TBKBP1: variants seen among roughly 807,000 people sequenced by gnomAD.
TBKBP1 encodes TANK-binding kinase 1-binding protein 1.
TBKBP1 carries 47 observed loss-of-function variants against 69.9 expected under a neutral mutation model. That is an observed-to-expected ratio of 0.67 (90% CI 0.53 to 0.86). The LOEUF is 0.86. Ranked by LOEUF, TBKBP1 falls within the 40% of genes least tolerant of loss-of-function variation. The pLI is 0.00. For synonymous variants in TBKBP1, 418 were observed against 390.3 expected (o/e 1.07, Z -0.84); for missense variants, 831 against 858.6 (o/e 0.97, Z 0.40).
chr17:47,696,641 G>A (rs1031801739), intron 2 of TBKBP1, 70 bp from the exon 3 acceptor site: 1 of 1,607,660 alleles, frequency 6.2e-7, no homozygotes. Flanking sequence ...TGGGTTGGGG[G>A]CACAGCCAGG....
At chr17:47,699,027 C>A (rs1323702313) in intron 5 of TBKBP1, among the ~76,000 whole-genome samples, 3 of 151,774 alleles carry the variant, frequency 2.0e-5, no homozygotes, top group Admixed American at 6.6e-5. Context: ...CACCCAGAGT[C>A]CCCCCGCCCC....
At position 47,694,961 on chromosome 17, in the gene TBKBP1, G is replaced by A. The variant is rs1005154608; in HGVS notation, c.-35+767G>A. On this transcript the variant is annotated intron_variant, in intron 1 of 9. Transcript: ENST00000578982. The stretch of plus-strand genomic sequence containing the variant: ...CCCAAGCTCCTGCAGCCCGACCTGG[G>A]GGCCCCGCTGTCTGAACTCACAGCT... 5.9e-5 allele frequency among the ~76,000 whole-genome samples: 9 copies of A among 152,110 alleles called. No homozygotes were observed. In the South Asian group the frequency reaches 6.2e-4, roughly 11 times the overall value.
intron 7 of TBKBP1, 28 bp downstream of exon 7, chr17:47,699,725 T>G: frequency 6.2e-7 from 1 of 1,613,752 alleles, no homozygotes; most frequent in Non-Finnish European, 8.5e-7. Flanking sequence ...CCCTGGTCCC[T>G]CCGTGATGTT....
chr17:47,695,927 GGA>G (rs1567902407), intron 1 of TBKBP1, 150 bp from the exon 2 acceptor site: 1 of 569,292 alleles, frequency 1.8e-6, no homozygotes, highest in African/African-American at 1.9e-5. Context: ...GAGGAGTCTG[GGA>G]AGGGGCCATG....
Position 47,708,459 on chromosome 17 carries a change from C to G in TBKBP1, c.938C>G (p.Ser313Cys). Residue 313 changes from serine to cysteine, a missense_variant, in exon 8 of 10, where the codon TCC becomes TGC. Physicochemically the swap from Ser to Cys is moderately radical, Grantham distance 112. Transcript: ENST00000578982. The surrounding 1 kb of genome is among the most constrained non-coding windows in gnomAD (Gnocchi z 4.4). ...EELGRLRELS[S>C]LQGRILRTLL... is the part of the protein sequence containing the mutation. ...CTGGGCCGGCTTCGGGAGTTGAGTT[C>G]CCTACAGGGGAGAATCTTGAGGACT... is the stretch of plus-strand genomic sequence containing the variant. 6.2e-7 allele frequency: 1 copy of G among 1,613,898 alleles called. No homozygotes were observed. The highest frequency in any genetic ancestry group is 8.5e-7 in the Non-Finnish European group (1 of 1,179,848).
chr17:47,706,828 G>GACACACACACACACAC (rs55849029), intron 7 of TBKBP1, among the ~76,000 whole-genome samples: 8 of 134,222 alleles, frequency 6.0e-5, no homozygotes, highest in South Asian at 5.1e-4. Flanking sequence ...GTTAGACTTA[G>GACACACACACACACAC]ACACACACAC....
chr17:47,699,022 A>G (rs1026230511), intron 5 of TBKBP1, among the ~76,000 whole-genome samples: 8 of 151,554 alleles, frequency 5.3e-5, no homozygotes, highest in Admixed American at 2.0e-4. Context: ...GCCCCCACCC[A>G]GAGTCCCCCC....
At position 47,708,124 on chromosome 17, in the gene TBKBP1, T is replaced by G. The variant is rs746734987; in HGVS notation, c.873-270T>G. On this transcript the variant is annotated intron_variant, in intron 7 of 9. Transcript: ENST00000578982. The surrounding 1 kb of genome is among the most constrained non-coding windows in gnomAD (Gnocchi z 4.4). ...AGGGATTCAGGGAGCCCTTGGAATC[T>G]CTCTGCTCCCTGTCCCTGCACTTAG... Among the ~76,000 whole-genome samples the G allele has an allele frequency of 6.6e-6, 1 of 152,212 alleles. No individual in the cohort carries two copies. Among genetic ancestry groups the G allele is most frequent in the African/African-American group, 2.4e-5 (1 of 41,442 alleles).
At chr17:47,697,327 G>C in intron 4 of TBKBP1, 134 bp downstream of exon 4, 1 of 768,954 alleles carries the variant, frequency 1.3e-6, no homozygotes. Flanking sequence ...ACTTGTTTGT[G>C]CCCTGCTTGT....
Position 47,699,336 on chromosome 17 carries a change from C to A in TBKBP1, c.651C>A (p.Ser217=). The A allele has an allele frequency of 6.5e-7, 1 of 1,534,782 alleles. No homozygotes were observed. ...SGLSHAGWPG[S]TPSVSDLERR... is the part of the protein sequence containing the mutation. ...CACCGACAGCAGGCTGGCCGGGCTC[C>A]ACACCCAGTGTGAGTGACCTGGAGC... The change falls in exon 6 of 10, where the codon TCC becomes TCA. Residue 217 remains serine, a synonymous_variant. Transcript: ENST00000578982.
chr17:47,698,067 A>G (rs1402543135), intron 4 of TBKBP1, among the ~76,000 whole-genome samples: 1 of 151,476 alleles, frequency 6.6e-6, no homozygotes, highest in Non-Finnish European at 1.5e-5. Context: ...GCAAATATTA[A>G]CACCCTCACC....
rs1027626674 is a variant in TBKBP1 at position 47,696,074 on chromosome 17, C to T, written c.-34-5C>T. On this transcript the variant is annotated splice_polypyrimidine_tract_variant and splice_region_variant and intron_variant, in intron 1 of 9. Transcript: ENST00000578982. Reference sequence around the variant, plus strand: ...CCCTGTCCACGGTTGCTCCTGCTCTCCTAGGAGGCCCCGTGTGGGCCGCGG... The same window carrying T: ...CCCTGTCCACGGTTGCTCCTGCTCTTCTAGGAGGCCCCGTGTGGGCCGCGG... 8 of 1,544,748 alleles carry T rather than the reference C, an allele frequency of 5.2e-6. No homozygotes were observed. The highest frequency in any genetic ancestry group is 2.7e-5 in the African/African-American group (2 of 73,198).
At position 47,708,568 on chromosome 17, in the gene TBKBP1, GCCATGGCAA is replaced by G; in HGVS notation, c.991+61_991+69del. ...CGCGGGACCCGGGAAGGAGCGGGTA[GCCATGGCAA>G]CCATCTTGGTCATGGGGACCACCCT... On this transcript the variant is annotated intron_variant, in intron 8 of 9. Transcript: ENST00000578982. This position sits in a 1 kb window ranked among gnomAD's most constrained non-coding sequence, Gnocchi z 4.4. 6.3e-7 allele frequency: 1 copy of G among 1,586,314 alleles called. No individual in the cohort carries two copies. The highest frequency in any genetic ancestry group is 8.6e-7 in the Non-Finnish European group (1 of 1,158,702).
chr17:47,694,682 AGCCCCGCCAGCGG>A (rs1287509417), intron 1 of TBKBP1: 1 of 149,218 alleles, frequency 6.7e-6, no homozygotes, highest in Non-Finnish European at 1.5e-5. Context: ...TCGGGGACAG[AGCCCCGCCAGCGG>A]GGTGGGCGCA....
chr17:47,697,372 C>G (rs1247495985), intron 4 of TBKBP1, among the ~76,000 whole-genome samples, 179 bp downstream of exon 4: 2 of 152,162 alleles, frequency 1.3e-5, no homozygotes, highest in Non-Finnish European at 2.9e-5. Context: ...GCCCATTTGC[C>G]CTTGTGAGGG....
chr17:47,708,675 T>A lies in TBKBP1; in HGVS notation c.992-50T>A. ...AGCCCCTGGCGCTCCAGTTCTGAGG[T>A]CTTCTCTCTGCACCTTTGTCCCCCC... On this transcript the variant is annotated intron_variant, in intron 8 of 9. Coordinates refer to ENST00000578982, the MANE Select transcript of TBKBP1 (RefSeq NM_001394755.1). The surrounding 1 kb of genome is among the most constrained non-coding windows in gnomAD (Gnocchi z 4.4). The A allele has an allele frequency of 1.4e-6, 2 of 1,472,242 alleles. No individual in the cohort carries two copies. The highest frequency in any genetic ancestry group is 1.8e-6 in the Non-Finnish European group (2 of 1,111,914). The allele number at this position is 1,472,242 out of a possible 1,614,324, so 91.2% of individuals were successfully genotyped here. A position where few individuals can be genotyped will look rare whatever the true frequency, so the allele number is the denominator to read the frequency against.
Position 47,709,734 on chromosome 17 carries a change from A to G in TBKBP1, c.1719+282A>G, listed in dbSNP as rs147149748. Among the ~76,000 whole-genome samples the G allele has an allele frequency of 1.8e-3, 278 of 152,352 alleles. 2 individuals are homozygous for G. The highest frequency in any genetic ancestry group is 6.5e-3 in the African/African-American group (271 of 41,580). ...AGTTCTGCCTTTGATTCCAAACTCC[A>G]CCGCTTAATAGCTGTGGGACCTTGT... On this transcript the variant is annotated intron_variant, in intron 9 of 9. Coordinates refer to ENST00000578982, the MANE Select transcript of TBKBP1 (RefSeq NM_001394755.1).
rs749593722 is a variant in TBKBP1 at position 47,696,873 on chromosome 17, C to T, written c.348+40C>T. 15 of 1,607,452 alleles carry T rather than the reference C, an allele frequency of 9.3e-6. No individual in the cohort carries two copies. In the African/African-American group the frequency reaches 1.9e-4, roughly 20 times the overall value. On this transcript the variant is annotated intron_variant, in intron 3 of 9. Coordinates refer to ENST00000578982, the MANE Select transcript of TBKBP1 (RefSeq NM_001394755.1). ...CTGGGCGCACCCCCTGAGCATCTTG[C>T]TCCAGTCTGTTTCTGATACCCTTCC...
In TBKBP1 at chr17:47,699,318, A is replaced by G. The variant is rs2031388949; in HGVS notation, c.635-2A>G. The G allele has an allele frequency of 2.6e-6, 4 of 1,522,772 alleles. No homozygotes were observed. Among genetic ancestry groups the G allele is most frequent in the African/African-American group, 1.4e-5 (1 of 71,772 alleles). 94.3% of individuals were successfully genotyped at this position (1,522,772 alleles called of 1,614,324 possible). A position where few individuals can be genotyped will look rare whatever the true frequency, so the allele number is the denominator to read the frequency against. ...GCCTGACGTTGTCCTGTCCACCGAC[A>G]GCAGGCTGGCCGGGCTCCACACCCA... On this transcript the variant is annotated splice_acceptor_variant, in intron 5 of 9. Transcript: ENST00000578982. LOFTEE classifies it high-confidence loss of function.
Sources: allele counts gnomAD v4.1 joint callset (sites outside exome capture counted in the v4.1 genomes callset), GRCh38; gene constraint gnomAD v4.1.1; non-coding constraint Gnocchi (gnomAD v3.1); transcripts MANE v1.5; gene names NCBI Gene and HGNC (gene_info 2026-07-23, HGNC 2026-07-21).